IL12RB2: variants seen among roughly 807,000 people sequenced by gnomAD.
IL12RB2 encodes interleukin-12 receptor subunit beta-2.
IL12RB2 carries 82 observed loss-of-function variants against 89.4 expected under a neutral mutation model. The ratio of observed to expected loss-of-function variants is 0.92; its 90% CI spans 0.77 to 1.10. The LOEUF (loss-of-function observed/expected upper bound fraction) is 1.10, where lower values mean the gene tolerates loss of function less well. IL12RB2 is among the 50% of genes least tolerant of loss of function. The pLI, the probability that IL12RB2 is intolerant of heterozygous loss-of-function variation, is 0.00. For missense variants in IL12RB2, 963 were observed against 1,031.9 expected (o/e 0.93, Z 0.92); for synonymous variants, 368 against 370.1 (o/e 0.99, Z 0.07).
At chr1:67,322,527 G>C (rs979380543) in intron 4 of IL12RB2, among the ~76,000 whole-genome samples, 5 of 152,050 alleles carry the variant, frequency 3.3e-5, no homozygotes, top group African/African-American at 9.7e-5. Flanking sequence ...GAGGCAAGAG[G>C]GAAGGAGTGA....
chr1:67,330,277 A>ATTTTT (rs1558307815), intron 7 of IL12RB2, among the ~76,000 whole-genome samples: 21,923 of 139,446 alleles, frequency 0.16, 1,820 homozygotes, highest in East Asian at 0.27. Flanking sequence ...TTTTTTTAAA[A>ATTTTT]AAAAAAAAAG....
intron 3 of IL12RB2, 144 bp downstream of exon 3, chr1:67,320,588 T>C: frequency 7.3e-7 from 1 of 1,378,364 alleles, no homozygotes; most frequent in Non-Finnish European, 9.9e-7. Context: ...AGTCTGGTTC[T>C]GTCTATAACT....
At chr1:67,308,367 C>T (rs1654558622) in intron 1 of IL12RB2, among the ~76,000 whole-genome samples, 1 of 151,930 alleles carries the variant, frequency 6.6e-6, no homozygotes. Flanking sequence ...TGGTTCAGGC[C>T]CACAGACGTG....
chr1:67,377,817 A>G (rs931120920), intron 13 of IL12RB2, among the ~76,000 whole-genome samples: 12 of 151,844 alleles, frequency 7.9e-5, no homozygotes, highest in Non-Finnish European at 1.6e-4. Context: ...AAGTTGGCAA[A>G]ATGAACCTCA....
At chr1:67,338,200 G>C (rs10889682) in intron 8 of IL12RB2, among the ~76,000 whole-genome samples, 50,067 of 151,080 alleles carry the variant, frequency 0.33, 9,858 homozygotes, top group East Asian at 0.6. Flanking sequence ...GTGGTGGTAC[G>C]CACCTGTAGT....
chr1:67,345,097 G>A (rs1020630411), intron 9 of IL12RB2, among the ~76,000 whole-genome samples: 4 of 152,132 alleles, frequency 2.6e-5, no homozygotes, highest in African/African-American at 7.2e-5. Flanking sequence ...CTTGAACCCA[G>A]GAAGCAGAGT....
Position 67,395,612 on chromosome 1 carries a change from G to A in IL12RB2, c.2112G>A (p.Pro704=), listed in dbSNP as rs767349924. ...GGCCCACGCCTGAAGATCCTGAACC[G>A]CTGGTCATCAGTGAAGTCCTTCATC... The part of the protein sequence containing the change: ...IDWPTPEDPE[P]LVISEVLHQV... The change falls in exon 17 of 17, where the codon CCG becomes CCA. Residue 704 remains proline (P), a synonymous_variant. Coordinates refer to ENST00000674203, the MANE Select transcript of IL12RB2 (RefSeq NM_001374259.2). 20 of 1,614,072 alleles carry A rather than the reference G, an allele frequency of 1.2e-5. No individual in the cohort carries two copies. The East Asian group carries it at 2.0e-4, about 16-fold the overall frequency.
intron 1 of IL12RB2, among the ~76,000 whole-genome samples, chr1:67,312,594 T>C (rs755826): frequency 0.28 from 28,807 of 101,428 alleles, 3,308 homozygotes; most frequent in African/African-American, 0.43. Flanking sequence ...AAAATGGAAA[T>C]AAAGACAAAC....
At chr1:67,317,535 G>A (rs1415311980) in intron 2 of IL12RB2, among the ~76,000 whole-genome samples, 1 of 152,072 alleles carries the variant, frequency 6.6e-6, no homozygotes, top group Non-Finnish European at 1.5e-5. Flanking sequence ...GGGCTCCTGT[G>A]ACTATATTGG....
intron 4 of IL12RB2, among the ~76,000 whole-genome samples, chr1:67,323,548 A>G (rs1656871655): frequency 2.0e-5 from 3 of 152,222 alleles, no homozygotes; most frequent in Admixed American, 2.0e-4. Context: ...TGACGGCTTT[A>G]GGCTTCTCAA....
chr1:67,356,560 A>G (rs545759591), intron 10 of IL12RB2, among the ~76,000 whole-genome samples: 2 of 152,274 alleles, frequency 1.3e-5, no homozygotes, highest in South Asian at 4.2e-4. Context: ...AGTGCCTACC[A>G]CAGAGGTACT....
chr1:67,351,880 A>T (rs1188798210), intron 10 of IL12RB2, among the ~76,000 whole-genome samples: 1 of 152,184 alleles, frequency 6.6e-6, no homozygotes, highest in Non-Finnish European at 1.5e-5. Flanking sequence ...ATTTCTCAAG[A>T]TCTGTATTAT....
intron 11 of IL12RB2, among the ~76,000 whole-genome samples, chr1:67,371,184 A>G (rs1218979887): frequency 1.3e-5 from 2 of 152,208 alleles, no homozygotes; most frequent in Non-Finnish European, 2.9e-5. Context: ...TCTTTGGATT[A>G]CCATACTAAG....
At chr1:67,323,749 T>C (rs1656905581) in intron 4 of IL12RB2, among the ~76,000 whole-genome samples, 1 of 152,058 alleles carries the variant, frequency 6.6e-6, no homozygotes, top group African/African-American at 2.4e-5. Flanking sequence ...ACCCAAGTAA[T>C]TAGACAAGAA....
chr1:67,351,156 C>T, intron 10 of IL12RB2, 67 bp downstream of exon 10: 1 of 1,580,732 alleles, frequency 6.3e-7, no homozygotes, highest in Non-Finnish European at 8.6e-7. Context: ...TTATCTCCTG[C>T]AGGCCCAACC....
rs186517938 is a variant in IL12RB2, at chr1:67,383,769, G to A, written c.1856-2810G>A. Among the ~76,000 whole-genome samples, 612 of 152,336 alleles carry A rather than the reference G, an allele frequency of 4.0e-3. 2 individuals are homozygous for A. Among genetic ancestry groups the A allele is most frequent in the Non-Finnish European group, 6.9e-3 (468 of 68,032 alleles). On this transcript the variant is annotated intron_variant, in intron 14 of 16. Transcript: ENST00000674203. Reference sequence around the variant, plus strand: ...TTATTGGAATGCTAAGCATGTGGGAGTTGTTTATATCCTACTGCTCAAGGT... The same window carrying A: ...TTATTGGAATGCTAAGCATGTGGGAATTGTTTATATCCTACTGCTCAAGGT...
chr1:67,388,791 C>T (rs963211959), intron 15 of IL12RB2, among the ~76,000 whole-genome samples: 15 of 152,106 alleles, frequency 9.9e-5, no homozygotes, highest in African/African-American at 3.6e-4. Context: ...TTATTCAATA[C>T]AAAGTTTTCT....
At chr1:67,320,243 TA>T (rs1558297211) in intron 2 of IL12RB2, 89 bp from the exon 3 acceptor site, 2 of 1,576,804 alleles carry the variant, frequency 1.3e-6, no homozygotes, top group Non-Finnish European at 1.7e-6. Flanking sequence ...TGGAGAAAAA[TA>T]AAGCGGCACT....
At position 67,390,067 on chromosome 1, in the gene IL12RB2, G is replaced by A. The variant is rs762319709; in HGVS notation, c.1985G>A (p.Cys662Tyr). Reference sequence around the variant, plus strand: ...CTAGCAGCCCTCAGACCTCAGTGGTGTAGCAGAGAAATTCCAGATCCAGCA... The same window carrying A: ...CTAGCAGCCCTCAGACCTCAGTGGTATAGCAGAGAAATTCCAGATCCAGCA... ...VLLAALRPQW[C>Y]SREIPDPANS... Residue 662 changes from cysteine to tyrosine, a missense_variant, in exon 16 of 17, where the codon TGT becomes TAT. Coordinates refer to ENST00000674203, the MANE Select transcript of IL12RB2 (RefSeq NM_001374259.2). 4 of 1,396,228 alleles carry A rather than the reference G, an allele frequency of 2.9e-6. No individual in the cohort carries two copies. The Admixed American group carries it at 5.0e-5, about 18-fold the overall frequency. 86.5% of individuals were successfully genotyped at this position (1,396,228 alleles called of 1,614,324 possible).
Sources: gnomAD v4.1 joint callset for allele counts (sites outside exome capture counted in the v4.1 genomes callset) on GRCh38, gnomAD v4.1.1 for gene constraint, MANE v1.5 for transcripts, NCBI Gene and HGNC (gene_info 2026-07-23, HGNC 2026-07-21) for gene names.